Variants in FAAH2 observed in about 807,000 individuals in gnomAD.
FAAH2 encodes the protein fatty-acid amide hydrolase 2.
FAAH2 carries 60 observed loss-of-function variants against 36.9 expected under a neutral mutation model. The observed-to-expected ratio is 1.63, with a 90% confidence interval of 1.32 to 2.02. The LOEUF (loss-of-function observed/expected upper bound fraction) is 2.02, where lower values mean the gene tolerates loss of function less well. Ranked by LOEUF, FAAH2 falls within the 30% of genes most tolerant of loss-of-function variation. The pLI is 0.00. For missense variants in FAAH2, 689 were observed against 397.5 expected (o/e 1.73, Z -6.23); for synonymous variants, 214 against 143.8 (o/e 1.49, Z -3.49).
At chrX:57,233,954 C>G in the FAAH2 span, among the ~76,000 whole-genome samples, 1 of 112,852 alleles carries the variant, frequency 8.9e-6, no homozygotes, top group African/African-American at 3.2e-5. Flanking sequence ...TGGACAGCAT[C>G]TTTTGTTACT....
At chrX:57,385,091 G>A (rs1303819812) in intron 7 of FAAH2, among the ~76,000 whole-genome samples, 2 of 109,879 alleles carry the variant, frequency 1.8e-5, no homozygotes, top group Admixed American at 9.8e-5. Context: ...GAGAATACTT[G>A]GACACAGGAA....
chrX:57,328,913 G>T (rs192917427), intron 3 of FAAH2, among the ~76,000 whole-genome samples: 5 of 111,551 alleles, frequency 4.5e-5, no homozygotes, highest in Admixed American at 9.5e-5. Context: ...ACTTTTGAAG[G>T]TTAGGAACCT....
At chrX:57,165,475 A>G in the FAAH2 span, among the ~76,000 whole-genome samples, 34 of 108,544 alleles carry the variant, frequency 3.1e-4, no homozygotes, top group African/African-American at 1.0e-3. Flanking sequence ...TCACTCATAG[A>G]TGGGAATTGA....
At chrX:57,370,462 A>T (rs1398563305) in intron 5 of FAAH2, among the ~76,000 whole-genome samples, 1 of 111,867 alleles carries the variant, frequency 8.9e-6, no homozygotes, top group South Asian at 3.7e-4. Flanking sequence ...ACACTGGAGC[A>T]CACAAATATA....
chrX:57,233,232 G>A, the FAAH2 span, among the ~76,000 whole-genome samples: 1 of 111,290 alleles, frequency 9.0e-6, no homozygotes, highest in African/African-American at 3.3e-5. Context: ...AGATAGTGTG[G>A]GAGAGTTGGC....
chrX:57,416,517 G>A (rs181951485), intron 7 of FAAH2, among the ~76,000 whole-genome samples: 70 of 111,785 alleles, frequency 6.3e-4, no homozygotes, highest in African/African-American at 2.1e-3. Context: ...TGAAATTCTG[G>A]GTTGAAAATT....
At chrX:57,468,510 A>T (rs754265707) in intron 10 of FAAH2, among the ~76,000 whole-genome samples, 2 of 112,189 alleles carry the variant, frequency 1.8e-5, no homozygotes, top group South Asian at 7.4e-4. Flanking sequence ...ATTGAAGATC[A>T]AATGAATGAA....
the FAAH2 span, among the ~76,000 whole-genome samples, chrX:57,262,653 A>G: frequency 9.0e-6 from 1 of 111,662 alleles, no homozygotes; most frequent in Non-Finnish European, 1.9e-5. Context: ...CTAAATAAAG[A>G]TAGTCTAATG....
the FAAH2 span, among the ~76,000 whole-genome samples, chrX:57,270,489 T>A: frequency 8.9e-6 from 1 of 112,054 alleles, no homozygotes; most frequent in Admixed American, 9.5e-5. Context: ...GCAAACTGAA[T>A]TCAACAGCAC....
chrX:57,282,486 T>C (rs776718129), upstream of FAAH2, among the ~76,000 whole-genome samples: 20 of 112,042 alleles, frequency 1.8e-4, no homozygotes, highest in Non-Finnish European at 2.6e-4. Context: ...TTGTGAATAT[T>C]TCCCCCATTC....
rs748648325 is a variant in FAAH2, at chrX:57,488,974, C to T, written c.*42C>T. 7.9e-6 allele frequency: 9 copies of T among 1,138,718 alleles called. No individual in the cohort carries two copies. The highest frequency in any genetic ancestry group is 8.2e-6 in the Non-Finnish European group (7 of 855,373). 93.8% of individuals were successfully genotyped at this position (1,138,718 alleles called of 1,213,427 possible). ...GTTAATGTGTGTGTGTGTTTGTGTT[C>T]GTGTGGTGGTGTTTCTATTAATTGG... On this transcript the variant is annotated 3_prime_UTR_variant, in exon 11 of 11. Coordinates refer to ENST00000374900, the MANE Select transcript of FAAH2 (RefSeq NM_174912.4).
intron 5 of FAAH2, among the ~76,000 whole-genome samples, chrX:57,358,349 C>T (rs1071964): frequency 0.55 from 59,863 of 109,135 alleles, 14,400 homozygotes; most frequent in Non-Finnish European, 0.75. Context: ...ATAGCAATTC[C>T]CCATTTCTCC....
At chrX:57,225,110 C>T in the FAAH2 span, among the ~76,000 whole-genome samples, 1 of 110,232 alleles carries the variant, frequency 9.1e-6, no homozygotes. Context: ...TTTCATTTAT[C>T]TTTCGTAAAA....
upstream of FAAH2, among the ~76,000 whole-genome samples, chrX:57,282,208 T>C (rs948636130): frequency 8.9e-6 from 1 of 112,244 alleles, no homozygotes; most frequent in African/African-American, 3.2e-5. Context: ...CTTTCCCTTT[T>C]CTGTACAACC....
intron 8 of FAAH2, among the ~76,000 whole-genome samples, chrX:57,438,887 T>A (rs2056479260): frequency 9.2e-6 from 1 of 109,056 alleles, no homozygotes; most frequent in African/African-American, 3.3e-5. Flanking sequence ...TTGCTGAGAA[T>A]GATGGTTTCC....
intron 7 of FAAH2, among the ~76,000 whole-genome samples, chrX:57,419,550 C>T (rs887853269): frequency 2.7e-5 from 3 of 111,762 alleles, no homozygotes; most frequent in African/African-American, 9.8e-5. Flanking sequence ...CCTTCGCCCA[C>T]TTTTTGATGG....
At chrX:57,206,090 T>C in the FAAH2 span, among the ~76,000 whole-genome samples, 1 of 111,858 alleles carries the variant, frequency 8.9e-6, no homozygotes, top group African/African-American at 3.2e-5. Context: ...TTTCTGGATC[T>C]ATTCTATTTA....
At chrX:57,352,713 C>G (rs2054056643) in intron 5 of FAAH2, among the ~76,000 whole-genome samples, 2 of 110,782 alleles carry the variant, frequency 1.8e-5, no homozygotes, top group South Asian at 7.4e-4. Context: ...TAGAAAAACC[C>G]TAAGAACTTC....
chrX:57,445,914 G>A (rs1159739225), intron 8 of FAAH2, among the ~76,000 whole-genome samples: 1 of 112,126 alleles, frequency 8.9e-6, no homozygotes, highest in African/African-American at 3.2e-5. Flanking sequence ...AGTCCTTGAG[G>A]TCTGATGGCC....
Sources: allele counts gnomAD v4.1 joint callset (sites outside exome capture counted in the v4.1 genomes callset), GRCh38; gene constraint gnomAD v4.1.1; transcripts MANE v1.5; gene names NCBI Gene and HGNC (gene_info 2026-07-23, HGNC 2026-07-21).